GABRB2: variants seen among roughly 807,000 people sequenced by gnomAD.
GABRB2 encodes gamma-aminobutyric acid type A receptor subunit beta2.
GABRB2 carries 16 observed loss-of-function variants against 54.7 expected under a neutral mutation model. That is an observed-to-expected ratio of 0.29 (90% CI 0.20 to 0.44). GABRB2 has a LOEUF of 0.44. Among genes scored for constraint, GABRB2 ranks in the 20% least tolerant of loss-of-function variants. The pLI is 1.00. For synonymous variants in GABRB2, 244 were observed against 233.8 expected (o/e 1.04, Z -0.40); for missense variants, 355 against 644.0 (o/e 0.55, Z 4.86).
chr5:161,456,781 A>C (rs1035619839), intron 4 of GABRB2, among the ~76,000 whole-genome samples: 2 of 152,188 alleles, frequency 1.3e-5, no homozygotes, highest in Admixed American at 6.5e-5. Flanking sequence ...TTACTATTTT[A>C]AGTGTCATTT....
intron 9 of GABRB2, among the ~76,000 whole-genome samples, chr5:161,312,592 G>T (rs574649266): frequency 6.6e-6 from 1 of 152,152 alleles, no homozygotes; most frequent in Non-Finnish European, 1.5e-5. Flanking sequence ...CTGTGTGAAT[G>T]AATACGTTAC....
chr5:161,512,175 C>G (rs905964479), intron 3 of GABRB2, among the ~76,000 whole-genome samples: 4 of 151,966 alleles, frequency 2.6e-5, no homozygotes, highest in African/African-American at 7.2e-5. Context: ...AAGCAATCTT[C>G]AGATTCAACT....
At chr5:161,533,263 G>C (rs1331767654) in intron 3 of GABRB2, among the ~76,000 whole-genome samples, 7 of 152,080 alleles carry the variant, frequency 4.6e-5, no homozygotes, top group Non-Finnish European at 1.0e-4. Flanking sequence ...AAACCAATTT[G>C]TCTCCTTGTG....
intron 4 of GABRB2, among the ~76,000 whole-genome samples, chr5:161,419,560 C>T (rs966707376): frequency 6.6e-6 from 1 of 152,178 alleles, no homozygotes; most frequent in African/African-American, 2.4e-5. Context: ...AATCAACCTA[C>T]GTGTCCATCA....
At chr5:161,439,714 A>G (rs900953534) in intron 4 of GABRB2, among the ~76,000 whole-genome samples, 1 of 152,030 alleles carries the variant, frequency 6.6e-6, no homozygotes, top group Admixed American at 6.6e-5. Context: ...GTCTGCTTGT[A>G]TGCTTACGCA....
At chr5:161,409,778 G>C (rs1383811748) in intron 5 of GABRB2, among the ~76,000 whole-genome samples, 2 of 152,078 alleles carry the variant, frequency 1.3e-5, no homozygotes, top group African/African-American at 2.4e-5. Flanking sequence ...CGTAAGTTTA[G>C]AAAAAGCAAC....
chr5:161,399,350 T>C (rs1259758880), intron 5 of GABRB2, among the ~76,000 whole-genome samples: 1 of 152,112 alleles, frequency 6.6e-6, no homozygotes, highest in African/African-American at 2.4e-5. Flanking sequence ...CACGTTTTTC[T>C]ATGGTTCTAA....
chr5:161,429,242 G>A (rs943566709), intron 4 of GABRB2, among the ~76,000 whole-genome samples: 9 of 148,040 alleles, frequency 6.1e-5, no homozygotes, highest in Non-Finnish European at 1.2e-4. Flanking sequence ...ATCTACTTAG[G>A]AGGCTGAAGC....
intron 3 of GABRB2, among the ~76,000 whole-genome samples, chr5:161,524,641 A>C (rs778344243): frequency 2.0e-5 from 3 of 151,474 alleles, no homozygotes; most frequent in Non-Finnish European, 3.0e-5. Context: ...AATCCTAGTG[A>C]GAATCTTTAT....
chr5:161,299,472 C>T (rs1267381190), intron 9 of GABRB2, among the ~76,000 whole-genome samples: 1 of 152,152 alleles, frequency 6.6e-6, no homozygotes, highest in Non-Finnish European at 1.5e-5. Flanking sequence ...GATGGTTCAA[C>T]TGTAAGAGGA....
chr5:161,482,411 A>T (rs910983348), intron 3 of GABRB2, among the ~76,000 whole-genome samples: 2 of 152,090 alleles, frequency 1.3e-5, no homozygotes, highest in Non-Finnish European at 2.9e-5. Flanking sequence ...AAAGTCCAAC[A>T]TCATTTCTTC....
intron 5 of GABRB2, among the ~76,000 whole-genome samples, chr5:161,369,177 G>A (rs574226443): frequency 3.2e-4 from 49 of 152,198 alleles, no homozygotes; most frequent in African/African-American, 1.1e-3. Flanking sequence ...TAAAGTTCCC[G>A]GTTTCTCTCA....
intron 3 of GABRB2, among the ~76,000 whole-genome samples, chr5:161,509,698 T>G: frequency 6.6e-6 from 1 of 151,940 alleles, no homozygotes; most frequent in Non-Finnish European, 1.5e-5. Context: ...ACACTTAGAA[T>G]GAGATGCAAA....
chr5:161,522,701 CG>C (rs1473212506), intron 3 of GABRB2, among the ~76,000 whole-genome samples: 1 of 151,396 alleles, frequency 6.6e-6, no homozygotes, highest in Non-Finnish European at 1.5e-5. Flanking sequence ...AAAACAACAA[CG>C]AAAAGAGACA....
chr5:161,497,939 GT>G (rs1297135556), intron 3 of GABRB2, among the ~76,000 whole-genome samples: 1 of 152,106 alleles, frequency 6.6e-6, no homozygotes, highest in African/African-American at 2.4e-5. Flanking sequence ...CTTATTTGGG[GT>G]TTTTAACTCA....
chr5:161,381,334 A>G (rs1460821701), intron 5 of GABRB2, among the ~76,000 whole-genome samples: 1 of 152,192 alleles, frequency 6.6e-6, no homozygotes, highest in African/African-American at 2.4e-5. Flanking sequence ...CACTCTCAGC[A>G]GCACTACCAT....
intron 3 of GABRB2, among the ~76,000 whole-genome samples, chr5:161,526,658 C>T (rs928882508): frequency 4.0e-5 from 6 of 151,022 alleles, no homozygotes; most frequent in African/African-American, 1.5e-4. Flanking sequence ...TAAAAGACAA[C>T]CATCTTCTGA....
intron 5 of GABRB2, among the ~76,000 whole-genome samples, chr5:161,346,785 A>G (rs1460204159): frequency 2.0e-5 from 3 of 152,128 alleles, no homozygotes; most frequent in African/African-American, 7.2e-5. Context: ...CTCTCTTAGC[A>G]CTTAGTACAT....
intron 3 of GABRB2, among the ~76,000 whole-genome samples, chr5:161,465,430 A>C (rs1029628042): frequency 3.9e-5 from 6 of 152,118 alleles, no homozygotes; most frequent in Non-Finnish European, 8.8e-5. Context: ...CTAGGGATGA[A>C]ATAATTCCAT....
Sources: allele counts gnomAD v4.1 joint callset (sites outside exome capture counted in the v4.1 genomes callset), GRCh38; gene constraint gnomAD v4.1.1; transcripts MANE v1.5; gene names NCBI Gene and HGNC (gene_info 2026-07-23, HGNC 2026-07-21).